MCM3AP: variants seen among roughly 807,000 people sequenced by gnomAD.
MCM3AP encodes the protein minichromosome maintenance complex component 3 associated protein, also known as germinal-center associated nuclear protein.
A neutral mutation model predicts 184.1 loss-of-function variants in MCM3AP; 126 were observed. The observed-to-expected ratio is 0.68, with a 90% CI of 0.59 to 0.79. The LOEUF (loss-of-function observed/expected upper bound fraction) is 0.79, where lower values mean the gene tolerates loss of function less well. Ranked by LOEUF, MCM3AP falls within the 30% of genes least tolerant of loss-of-function variation. The pLI is 0.00. For missense variants in MCM3AP, 2,496 were observed against 2,479.2 expected, an observed-to-expected ratio of 1.01 and a Z score of -0.14; for synonymous variants, 1,002 against 979.3, an observed-to-expected ratio of 1.02 and a Z score of -0.43.
chr21:46,260,462 G>A (rs1309934064), intron 15 of MCM3AP, among the ~76,000 whole-genome samples: 1 of 152,152 alleles, frequency 6.6e-6, no homozygotes, highest in Non-Finnish European at 1.5e-5. Flanking sequence ...TTACCATGCA[G>A]ACAACCACAA....
At chr21:46,251,419 T>C (rs1350287689) in intron 20 of MCM3AP, 110 bp downstream of exon 20, 59 of 914,024 alleles carry the variant, frequency 6.5e-5, no homozygotes, top group South Asian at 1.8e-4. Flanking sequence ...CCTCCCAGTC[T>C]TTCAAAACCA....
intron 3 of MCM3AP, 46 bp from the exon 4 acceptor site, chr21:46,280,183 C>A (rs1226360766): frequency 6.3e-7 from 1 of 1,592,176 alleles, no homozygotes; most frequent in African/African-American, 1.4e-5. Flanking sequence ...TCACAGATCA[C>A]CTGGAACTGG....
At chr21:46,269,886 C>G (rs1361994395) in intron 9 of MCM3AP, among the ~76,000 whole-genome samples, 1 of 152,212 alleles carries the variant, frequency 6.6e-6, no homozygotes, top group Non-Finnish European at 1.5e-5. Flanking sequence ...AAATAACCGA[C>G]TGGAAACCCC....
At chr21:46,282,134 C>CTATACAAATG (rs1254841240) in intron 2 of MCM3AP, among the ~76,000 whole-genome samples, 1 of 152,074 alleles carries the variant, frequency 6.6e-6, no homozygotes, top group African/African-American at 2.4e-5. Context: ...AAGACCCCAT[C>CTATACAAATG]TATACAAATG....
At chr21:46,260,382 C>T (rs1369346359) in intron 15 of MCM3AP, among the ~76,000 whole-genome samples, 1 of 152,176 alleles carries the variant, frequency 6.6e-6, no homozygotes, top group Non-Finnish European at 1.5e-5. Flanking sequence ...AACTTCTGAG[C>T]TTAAGTGATC....
At chr21:46,253,944 T>G (rs1020684209) in intron 19 of MCM3AP, 2 of 192,668 alleles carry the variant, frequency 1.0e-5, no homozygotes, top group African/African-American at 4.7e-5. Flanking sequence ...TTTGCTGTTC[T>G]CATGATAGTG....
At chr21:46,241,277 C>A in intron 25 of MCM3AP, 1 of 385,254 alleles carries the variant, frequency 2.6e-6, no homozygotes, top group Non-Finnish European at 4.7e-6. Flanking sequence ...CTGCCTGTTC[C>A]TCTTGGAAGC....
chr21:46,239,693 A>C (rs1301470422), intron 26 of MCM3AP, among the ~76,000 whole-genome samples: 4 of 152,218 alleles, frequency 2.6e-5, no homozygotes, highest in Non-Finnish European at 5.9e-5. Context: ...TTTGAGATAC[A>C]AATTTGGAGC....
At chr21:46,243,012 AAC>A in intron 24 of MCM3AP, 81 bp from the exon 25 acceptor site, 2 of 1,303,060 alleles carry the variant, frequency 1.5e-6, no homozygotes, top group Non-Finnish European at 1.1e-6. Flanking sequence ...CACACAAAAA[AAC>A]AAAAACAGGT....
chr21:46,260,772 A>C, intron 15 of MCM3AP, 21 bp downstream of exon 15: 1 of 1,554,896 alleles, frequency 6.4e-7, no homozygotes, highest in African/African-American at 1.4e-5. Flanking sequence ...TGGCACAGCA[A>C]GACACCAGCG....
chr21:46,245,177 C>A lies in MCM3AP; in HGVS notation c.4668G>T (p.Trp1556Cys). 3 of 1,609,040 alleles carry A rather than the reference C, an allele frequency of 1.9e-6. No homozygotes were observed. The highest frequency in any genetic ancestry group is 2.5e-6 in the Non-Finnish European group (3 of 1,177,996). The change falls in exon 23 of 28, where the codon TGG becomes TGT. Residue 1556 changes from tryptophan to cysteine, a missense_variant. This residue lies in a region of MCM3AP where 1,323 missense variants were observed against 1,273.4 expected (regional missense o/e 1.04). Transcript: ENST00000291688. ...GGGAATGGGGGCAGTGGGAAACCAG[C>A]CACTGCACTGCTTGCAAAACCTGAG... is the stretch of plus-strand genomic sequence containing the variant. Reference protein sequence around the residue: ...GSTKVLQAVQWLVSHCPHSLD... With the variant: ...GSTKVLQAVQCLVSHCPHSLD...
intron 19 of MCM3AP, chr21:46,251,951 AC>A: frequency 3.9e-6 from 1 of 255,944 alleles, no homozygotes; most frequent in Non-Finnish European, 7.4e-6. Context: ...AATGGCACAA[AC>A]TTGGCTCACC....
rs778674803 is a variant in MCM3AP at position 46,265,314 on chromosome 21, T to G, written c.3234+7A>C. On this transcript the variant is annotated splice_region_variant and intron_variant, in intron 12 of 27. Transcript: ENST00000291688. ...AGAGTCCAGACCTAGAAAAAAAGAG[T>G]CCCTACCTCGTCAGAGTACATGGGC... is the stretch of plus-strand genomic sequence containing the variant. 6.2e-7 allele frequency: 1 copy of G among 1,612,204 alleles called. No individual in the cohort carries two copies. Among genetic ancestry groups the G allele is most frequent in the South Asian group, 1.1e-5 (1 of 91,008 alleles).
At chr21:46,244,050 CAACCT>C (rs945647036) in intron 23 of MCM3AP, among the ~76,000 whole-genome samples, 27 of 152,242 alleles carry the variant, frequency 1.8e-4, no homozygotes, top group African/African-American at 6.5e-4. Context: ...TGGGGAACCC[CAACCT>C]AACCAGAGCA....
chr21:46,272,870 T>C (rs759891186), intron 7 of MCM3AP, 41 bp from the exon 8 acceptor site: 15 of 1,520,632 alleles, frequency 9.9e-6, no homozygotes, highest in Non-Finnish European at 1.1e-5. Flanking sequence ...CACATTCCCA[T>C]GCAAAGAGGC....
intron 8 of MCM3AP, 95 bp from the exon 9 acceptor site, chr21:46,270,658 G>T: frequency 8.9e-7 from 1 of 1,124,594 alleles, no homozygotes; most frequent in Non-Finnish European, 1.3e-6. Flanking sequence ...GATTTCACTG[G>T]CCAGATGCAG....
upstream of MCM3AP, chr21:46,285,873 C>G (rs573790451): frequency 6.5e-6 from 1 of 152,728 alleles, no homozygotes; most frequent in Non-Finnish European, 1.5e-5. Context: ...TGGCGGCCAC[C>G]CTCGAGCGGG....
intron 20 of MCM3AP, among the ~76,000 whole-genome samples, chr21:46,248,712 CA>C (rs778593169): frequency 2.0e-5 from 3 of 149,862 alleles, no homozygotes; most frequent in African/African-American, 7.3e-5. Flanking sequence ...ATGATGCATC[CA>C]AAAAATAAGA....
In MCM3AP at chr21:46,285,210, G is replaced by A. The variant is rs373112832; in HGVS notation, c.77C>T (p.Pro26Leu). Residue 26 changes from proline (P) to leucine (L), a missense_variant, in exon 1 of 28, where the codon CCA becomes CTA. Physicochemically the swap from Pro to Leu is moderately conservative, Grantham distance 98. Coordinates refer to ENST00000291688, the MANE Select transcript of MCM3AP (RefSeq NM_003906.5). ...ACCAAATCGAAATGGCGGCTTAGAT[G>A]GAAGTGTTCCTACATTACTAGAAGA... ...SASSSNVGTL[P>L]SKPPFRFGQP... The A allele has an allele frequency of 1.9e-6, 3 of 1,614,112 alleles. No individual in the cohort carries two copies. Among genetic ancestry groups the A allele is most frequent in the African/African-American group, 1.3e-5 (1 of 74,936 alleles).
Sources: allele counts gnomAD v4.1 joint callset (sites outside exome capture counted in the v4.1 genomes callset), GRCh38; gene constraint gnomAD v4.1.1; regional missense constraint gnomAD v4.1.1; transcripts MANE v1.5; gene names NCBI Gene and HGNC (gene_info 2026-07-23, HGNC 2026-07-21).